SNX31: variants seen among roughly 807,000 people sequenced by gnomAD.
SNX31 encodes the protein sorting nexin 31.
SNX31 carries 58 observed loss-of-function variants against 65.4 expected under a neutral mutation model. The ratio of observed to expected loss-of-function variants is 0.89; its 90% CI spans 0.72 to 1.10. The LOEUF is 1.10. SNX31 is among the 50% of genes least tolerant of loss of function. SNX31 has a pLI of 0.00. For synonymous variants in SNX31, 181 were observed against 190.1 expected (o/e 0.95, Z 0.39); for missense variants, 523 against 529.7 (o/e 0.99, Z 0.12).
chr8:100,649,954 T>G (rs899463920), upstream of SNX31, among the ~76,000 whole-genome samples: 3 of 152,264 alleles, frequency 2.0e-5, no homozygotes, highest in Non-Finnish European at 4.4e-5. Flanking sequence ...TTTGGTCAGT[T>G]TTTTTGTACT....
intron 2 of SNX31, among the ~76,000 whole-genome samples, chr8:100,645,441 G>T (rs1819554885): frequency 6.6e-6 from 1 of 152,138 alleles, no homozygotes; most frequent in African/African-American, 2.4e-5. Context: ...CTCAGACTTA[G>T]GGTGGCCAGA....
chr8:100,658,623 A>T (rs1290926953), intron 1 of SNX31, among the ~76,000 whole-genome samples: 2 of 152,212 alleles, frequency 1.3e-5, no homozygotes, highest in Admixed American at 6.5e-5. Flanking sequence ...GGAAACTGAG[A>T]TCAGAGAGGT....
At position 100,622,607 on chromosome 8, in the gene SNX31, C is replaced by T. The variant is rs1817773767; in HGVS notation, c.322-4877G>A. ...CGGAGGTTGCAGTGAACTGAGATTG[C>T]ACCACTGCACTCCAGCCTGGGTGAC... On this transcript the variant is annotated intron_variant, in intron 4 of 13. Transcript: ENST00000311812. The surrounding 1 kb of genome is among the most constrained non-coding windows in gnomAD (Gnocchi z 5.0). 6.6e-6 allele frequency among the ~76,000 whole-genome samples: 1 copy of T among 151,836 alleles called. No individual in the cohort carries two copies. Among genetic ancestry groups the T allele is most frequent in the Non-Finnish European group, 1.5e-5 (1 of 67,984 alleles).
chr8:100,635,586 A>G (rs2131215026), intron 3 of SNX31, among the ~76,000 whole-genome samples: 1 of 152,048 alleles, frequency 6.6e-6, no homozygotes, highest in Non-Finnish European at 1.5e-5. Context: ...TTTTAAAACC[A>G]AATACAAAGA....
At chr8:100,656,687 A>T (rs1015741765) in intron 1 of SNX31, among the ~76,000 whole-genome samples, 1 of 151,416 alleles carries the variant, frequency 6.6e-6, no homozygotes, top group African/African-American at 2.4e-5. Context: ...CAAAGCACAA[A>T]CTGTATAATT....
At chr8:100,584,337 T>C (rs1813832955) in intron 11 of SNX31, 149 bp from the exon 12 acceptor site, 1 of 547,638 alleles carries the variant, frequency 1.8e-6, no homozygotes, top group African/African-American at 2.0e-5. Context: ...CTAGAAGTTT[T>C]CATAAGATCC....
At chr8:100,607,973 A>G (rs1469478764) in intron 8 of SNX31, among the ~76,000 whole-genome samples, 1 of 152,264 alleles carries the variant, frequency 6.6e-6, no homozygotes, top group African/African-American at 2.4e-5. Context: ...TTGTTGGCTC[A>G]GGGGCAAGAA....
At chr8:100,655,421 T>A (rs1250439878) in intron 1 of SNX31, among the ~76,000 whole-genome samples, 3 of 152,150 alleles carry the variant, frequency 2.0e-5, no homozygotes, top group African/African-American at 7.2e-5. Context: ...GGAGAGACCC[T>A]GTGGGAGATC....
chr8:100,657,000 T>G (rs144030904), intron 1 of SNX31, among the ~76,000 whole-genome samples: 19 of 152,332 alleles, frequency 1.2e-4, no homozygotes, highest in Middle Eastern at 3.4e-3. Flanking sequence ...AGAGCAAGCA[T>G]TCGACAGTCA....
intron 11 of SNX31, among the ~76,000 whole-genome samples, chr8:100,587,250 G>A (rs1814128417): frequency 6.6e-6 from 1 of 152,128 alleles, no homozygotes; most frequent in Non-Finnish European, 1.5e-5. Flanking sequence ...CGGGGTTTCT[G>A]GGGTAAAACT....
chr8:100,641,344 C>G (rs997493293), intron 2 of SNX31, among the ~76,000 whole-genome samples: 6 of 151,298 alleles, frequency 4.0e-5, no homozygotes, highest in African/African-American at 1.2e-4. Context: ...TAAGACCAGC[C>G]TAGGTAACAT....
Position 100,622,598 on chromosome 8 carries a change from C to G in SNX31, c.322-4868G>C, listed in dbSNP as rs1229176470. Among the ~76,000 whole-genome samples, 1 of 152,018 alleles carries G rather than the reference C, an allele frequency of 6.6e-6. No individual in the cohort carries two copies. Among genetic ancestry groups the G allele is most frequent in the Non-Finnish European group, 1.5e-5 (1 of 68,026 alleles). On this transcript the variant is annotated intron_variant, in intron 4 of 13. Coordinates refer to ENST00000311812, the MANE Select transcript of SNX31 (RefSeq NM_152628.4). This position sits in a 1 kb window ranked among gnomAD's most constrained non-coding sequence, Gnocchi z 5.0. ...CCCAGGAGGCGGAGGTTGCAGTGAA[C>G]TGAGATTGCACCACTGCACTCCAGC...
Position 100,629,667 on chromosome 8 carries a change from C to A in SNX31, c.321+660G>T, listed in dbSNP as rs1408353410. On this transcript the variant is annotated intron_variant, in intron 4 of 13. Transcript: ENST00000311812. This position sits in a 1 kb window ranked among gnomAD's most constrained non-coding sequence, Gnocchi z 5.1. Reference sequence around the variant, plus strand: ...CTGCGGAACTTAAATTCTTTCAGAGCTTTTCCAGCCAAGCTCATACATACA... The same window carrying A: ...CTGCGGAACTTAAATTCTTTCAGAGATTTTCCAGCCAAGCTCATACATACA... 6.6e-6 allele frequency among the ~76,000 whole-genome samples: 1 copy of A among 152,210 alleles called. No individual in the cohort carries two copies. Among genetic ancestry groups the A allele is most frequent in the African/African-American group, 2.4e-5 (1 of 41,458 alleles).
intron 1 of SNX31, among the ~76,000 whole-genome samples, chr8:100,657,473 GA>G (rs1444587596): frequency 6.7e-6 from 1 of 149,976 alleles, no homozygotes; most frequent in African/African-American, 2.5e-5. Context: ...AAAGAAAAAA[GA>G]AAAAAAGAAA....
intron 11 of SNX31, among the ~76,000 whole-genome samples, chr8:100,584,944 C>G (rs962316362): frequency 1.9e-4 from 29 of 151,902 alleles, no homozygotes; most frequent in African/African-American, 6.8e-4. Flanking sequence ...AGGCTGGTCT[C>G]AAATTCCTGA....
At chr8:100,608,611 G>A (rs1290410809) in intron 7 of SNX31, 48 bp from the exon 8 acceptor site, 1 of 1,581,252 alleles carries the variant, frequency 6.3e-7, no homozygotes, top group South Asian at 1.1e-5. Flanking sequence ...ATGGCCCATG[G>A]GCACACCTGG....
At chr8:100,589,301 CAAAA>C (rs35464482) in intron 10 of SNX31, among the ~76,000 whole-genome samples, 37 of 96,424 alleles carry the variant, frequency 3.8e-4, no homozygotes, top group African/African-American at 1.3e-3. Context: ...GACTTCGTCT[CAAAA>C]AAAAAAAAAA....
At chr8:100,654,840 C>T (rs1219029110) in intron 1 of SNX31, among the ~76,000 whole-genome samples, 1 of 152,126 alleles carries the variant, frequency 6.6e-6, no homozygotes, top group Non-Finnish European at 1.5e-5. Context: ...TGGTGAGATA[C>T]TGTCTCTGCT....
rs1184453160 is a variant in SNX31 at position 100,610,956 on chromosome 8, G to A, written c.611+1044C>T. Among the ~76,000 whole-genome samples the A allele has an allele frequency of 1.3e-5, 2 of 152,184 alleles. No individual in the cohort carries two copies. Among genetic ancestry groups the A allele is most frequent in the East Asian group, 1.9e-4 (1 of 5,198 alleles). On this transcript the variant is annotated intron_variant, in intron 7 of 13. Transcript: ENST00000311812. This position sits in a 1 kb window ranked among gnomAD's most constrained non-coding sequence, Gnocchi z 4.0. ...CTAAGGAGCAATCCCCTGCAGCCACGGTAATAAACACTGGGAGCTGCAGGT... is the reference window on the plus strand; with the variant it reads ...CTAAGGAGCAATCCCCTGCAGCCACAGTAATAAACACTGGGAGCTGCAGGT...
Sources: allele counts gnomAD v4.1 joint callset (sites outside exome capture counted in the v4.1 genomes callset), GRCh38; gene constraint gnomAD v4.1.1; non-coding constraint Gnocchi (gnomAD v3.1); transcripts MANE v1.5; gene names NCBI Gene and HGNC (gene_info 2026-07-23, HGNC 2026-07-21).